The following SGIP1 variants were observed in gnomAD, a reference collection of about 807,000 sequenced individuals.
The protein encoded by SGIP1 is SH3GL interacting endocytic adaptor 1, also known as SH3-containing GRB2-like protein 3-interacting protein 1.
In SGIP1, 38 loss-of-function variants were observed where a neutral mutation model predicts 107.5. That is an observed-to-expected ratio of 0.35 (90% confidence interval 0.27 to 0.46). The LOEUF is 0.46. Ranked by LOEUF, SGIP1 falls within the 20% of genes least tolerant of loss-of-function variation. SGIP1 has a pLI of 1.00. For synonymous variants in SGIP1, 365 were observed against 366.1 expected, an observed-to-expected ratio of 1.00 and a Z score of 0.03; for missense variants, 929 against 1,019.5, an observed-to-expected ratio of 0.91 and a Z score of 1.21.
rs185285159 is a variant in SGIP1 at position 66,607,429 on chromosome 1, G to A, written c.11-18418G>A. Among the ~76,000 whole-genome samples, 7 of 152,338 alleles carry A rather than the reference G, an allele frequency of 4.6e-5. No homozygotes were observed. The East Asian group carries it at 1.2e-3, about 25-fold the overall frequency. ...CTATGTCAGATGTGGCCCACCATTG[G>A]CCACTAGCTGAATGACAGAGGATGC... On this transcript the variant is annotated intron_variant, in intron 1 of 24. Transcript: ENST00000371037.
chr1:66,552,987 A>G (rs1478162988), intron 1 of SGIP1, among the ~76,000 whole-genome samples: 1 of 152,142 alleles, frequency 6.6e-6, no homozygotes, highest in Non-Finnish European at 1.5e-5. Context: ...GCTGACTGCC[A>G]CTGGGACCTC....
intron 7 of SGIP1, among the ~76,000 whole-genome samples, chr1:66,645,382 T>C (rs912846683): frequency 3.3e-5 from 5 of 152,200 alleles, no homozygotes; most frequent in Non-Finnish European, 7.3e-5. Context: ...TGCAGCAAAA[T>C]GTGGTGGTTT....
At chr1:66,550,991 G>T (rs1471418564) in intron 1 of SGIP1, among the ~76,000 whole-genome samples, 1 of 152,038 alleles carries the variant, frequency 6.6e-6, no homozygotes, top group African/African-American at 2.4e-5. Context: ...GGCATTCTCT[G>T]CACCACAGCA....
chr1:66,594,321 A>G (rs980650361), intron 1 of SGIP1, among the ~76,000 whole-genome samples: 2 of 152,188 alleles, frequency 1.3e-5, no homozygotes, highest in African/African-American at 4.8e-5. Flanking sequence ...ACTTGTTCCA[A>G]TTCAACTATT....
At chr1:66,691,320 C>A (rs1322134045) in intron 17 of SGIP1, among the ~76,000 whole-genome samples, 2 of 152,202 alleles carry the variant, frequency 1.3e-5, no homozygotes, top group Non-Finnish European at 2.9e-5. Context: ...AAGCCTGAAG[C>A]TCTTCTGGAG....
At chr1:66,594,132 GAAGT>G (rs1364347038) in intron 1 of SGIP1, among the ~76,000 whole-genome samples, 1 of 151,988 alleles carries the variant, frequency 6.6e-6, no homozygotes, top group African/African-American at 2.4e-5. Flanking sequence ...ATAAAATCTA[GAAGT>G]AAGAACAAAA....
intron 18 of SGIP1, among the ~76,000 whole-genome samples, chr1:66,716,507 C>G (rs749162312): frequency 2.0e-5 from 3 of 152,004 alleles, no homozygotes; most frequent in Non-Finnish European, 4.4e-5. Context: ...TTAAATGATG[C>G]ACCACACTTT....
In SGIP1 at chr1:66,682,129, G is replaced by T. The variant is rs780382057; in HGVS notation, c.1075G>T (p.Gly359Cys). ...PGPLGPPGPT[G>C]PPGPPGPPRN... ...CCCTCTCGGCCCCCCAGGTCCCACA[G>T]GCCCCCCAGGGCCTCCTGGGCCTCC... is the stretch of plus-strand genomic sequence containing the variant. Residue 359 changes from glycine (G) to cysteine (C), a missense_variant, in exon 15 of 25, where the codon GGC becomes TGC. Around this residue, in one of 2 missense-constraint regions of SGIP1, gnomAD observed 588 missense variants for 588.6 expected, o/e 1.00. Coordinates refer to ENST00000371037, the MANE Select transcript of SGIP1 (RefSeq NM_032291.4). 9.3e-6 allele frequency: 15 copies of T among 1,613,978 alleles called. No individual in the cohort carries two copies. The Middle Eastern group carries it at 1.2e-3, about 124-fold the overall frequency.
intron 4 of SGIP1, among the ~76,000 whole-genome samples, chr1:66,636,449 T>C (rs1332060999): frequency 6.6e-6 from 1 of 152,206 alleles, no homozygotes; most frequent in Non-Finnish European, 1.5e-5. Flanking sequence ...CCAAAGGACA[T>C]TGAGTCGGGG....
At chr1:66,551,772 A>G (rs2057446693) in intron 1 of SGIP1, among the ~76,000 whole-genome samples, 2 of 152,136 alleles carry the variant, frequency 1.3e-5, no homozygotes. Flanking sequence ...CTTTAGTCAG[A>G]GCATGAAAAA....
chr1:66,589,206 A>G (rs370700887), intron 1 of SGIP1, among the ~76,000 whole-genome samples: 2,275 of 63,282 alleles, frequency 0.036, 178 homozygotes, highest in East Asian at 0.092. Context: ...ATATATATAT[A>G]TATATATATA....
At chr1:66,604,579 C>T (rs961940469) in intron 1 of SGIP1, among the ~76,000 whole-genome samples, 19 of 152,222 alleles carry the variant, frequency 1.2e-4, no homozygotes, top group Non-Finnish European at 1.3e-4. Flanking sequence ...GTTTAACTTT[C>T]TCTCAACCCA....
At chr1:66,655,353 G>A (rs908034491) in intron 7 of SGIP1, among the ~76,000 whole-genome samples, 5 of 152,042 alleles carry the variant, frequency 3.3e-5, no homozygotes, top group African/African-American at 4.8e-5. Flanking sequence ...CTTTCTCAAG[G>A]AAGCCTACCC....
chr1:66,615,677 T>C (rs12048321), intron 1 of SGIP1, among the ~76,000 whole-genome samples: 22,403 of 152,176 alleles, frequency 0.15, 2,183 homozygotes, highest in East Asian at 0.46. Context: ...TACAATTCAA[T>C]TGAATTTTTC....
intron 1 of SGIP1, among the ~76,000 whole-genome samples, chr1:66,547,465 T>G (rs1169768714): frequency 1.3e-5 from 2 of 152,212 alleles, no homozygotes; most frequent in African/African-American, 2.4e-5. Context: ...TTTATCCAAA[T>G]GCCAGATCAA....
intron 19 of SGIP1, among the ~76,000 whole-genome samples, chr1:66,724,205 C>T (rs919503448): frequency 6.6e-6 from 1 of 152,148 alleles, no homozygotes; most frequent in Non-Finnish European, 1.5e-5. Flanking sequence ...AGGGAAAATC[C>T]AGTGTATAAG....
intron 17 of SGIP1, 169 bp downstream of exon 17, chr1:66,690,485 G>A: frequency 1.2e-6 from 1 of 837,714 alleles, no homozygotes; most frequent in Non-Finnish European, 1.8e-6. Context: ...AGGAGGCAAA[G>A]TGCTTTACCT....
intron 1 of SGIP1, among the ~76,000 whole-genome samples, chr1:66,559,232 A>AG (rs1483750725): frequency 6.6e-6 from 1 of 152,158 alleles, no homozygotes; most frequent in Non-Finnish European, 1.5e-5. Context: ...CATTTCTAAC[A>AG]GGCTTATAGG....
At chr1:66,534,124 G>A (rs2053012145), upstream of SGIP1, 3 of 592,818 alleles carry the variant, frequency 5.1e-6, no homozygotes, top group Admixed American at 9.0e-5. Context: ...AGCTCGGCCA[G>A]CTTGCCGTTC....
Sources: allele counts gnomAD v4.1 joint callset (sites outside exome capture counted in the v4.1 genomes callset), GRCh38; gene constraint gnomAD v4.1.1; regional missense constraint gnomAD v4.1.1; transcripts MANE v1.5; gene names NCBI Gene and HGNC (gene_info 2026-07-23, HGNC 2026-07-21).